The following GNAQ variants were observed in gnomAD, a reference collection of about 807,000 sequenced individuals.
The protein encoded by GNAQ is G protein subunit alpha q, also known as guanine nucleotide-binding protein G(q) subunit alpha.
In GNAQ, 8 loss-of-function variants were observed where a neutral mutation model predicts 43.9. That is an observed-to-expected ratio of 0.18 (90% CI 0.11 to 0.33). The LOEUF is 0.33. Ranked by LOEUF, GNAQ falls within the 10% of genes least tolerant of loss-of-function variation. The pLI, the probability that GNAQ is intolerant of heterozygous loss-of-function variation, is 1.00. For synonymous variants in GNAQ, 155 were observed against 170.7 expected, an observed-to-expected ratio of 0.91 and a Z score of 0.71; for missense variants, 158 against 450.8, an observed-to-expected ratio of 0.35 and a Z score of 5.88.
rs1246962741 is a variant in GNAQ at position 77,717,762 on chromosome 9, C to A, written c.*3561G>T. ...AAAAAAAATACAAGTTTTACGTGTT[C>A]TTCAGATTCCTTTTGTAGTTGTCAT... is the stretch of plus-strand genomic sequence containing the variant. On this transcript the variant is annotated 3_prime_UTR_variant, in exon 7 of 7. Coordinates refer to ENST00000286548, the MANE Select transcript of GNAQ (RefSeq NM_002072.5). 4.3e-6 allele frequency: 1 copy of A among 231,424 alleles called. No homozygotes were observed. The highest frequency in any genetic ancestry group is 2.2e-5 in the African/African-American group (1 of 45,102). 14.3% of individuals were successfully genotyped at this position (231,424 alleles called of 1,614,324 possible). A position where few individuals can be genotyped will look rare whatever the true frequency, so the allele number is the denominator to read the frequency against.
chr9:77,982,249 C>A (rs955521961), intron 1 of GNAQ, among the ~76,000 whole-genome samples: 2 of 152,186 alleles, frequency 1.3e-5, no homozygotes, highest in African/African-American at 4.8e-5. Context: ...AGAAATGATT[C>A]TGGTCTTTGT....
chr9:77,855,325 C>A (rs574168964), intron 2 of GNAQ, among the ~76,000 whole-genome samples: 4 of 151,850 alleles, frequency 2.6e-5, no homozygotes, highest in East Asian at 1.9e-4. Context: ...TAAAGGCCAA[C>A]GAGCAGTTAT....
chr9:77,921,322 G>A (rs1473760820), intron 2 of GNAQ, among the ~76,000 whole-genome samples: 1 of 152,224 alleles, frequency 6.6e-6, no homozygotes, highest in Non-Finnish European at 1.5e-5. Flanking sequence ...CACCCTGGGT[G>A]CAGGTCCAGT....
In GNAQ at chr9:78,030,530, A is replaced by T. The variant is rs12001631; in HGVS notation, c.136+570T>A. The T allele has an allele frequency of 1.0e-3, 482 of 470,850 alleles. 4 individuals carry two copies. Among genetic ancestry groups the T allele is most frequent in the African/African-American group, 9.0e-3 (449 of 50,100 alleles). 29.2% of individuals were successfully genotyped at this position (470,850 alleles called of 1,614,324 possible). The stretch of plus-strand genomic sequence containing the variant: ...GCTTCCTCACCATGAGTGCTCCGGG[A>T]ATCCAGCTGCGAGTCTGCCCACCGT... On this transcript the variant is annotated intron_variant, in intron 1 of 6. Transcript: ENST00000286548.
At chr9:77,824,943 T>C (rs1199883805) in intron 2 of GNAQ, among the ~76,000 whole-genome samples, 1 of 152,214 alleles carries the variant, frequency 6.6e-6, no homozygotes, top group African/African-American at 2.4e-5. Flanking sequence ...CAAAAAGTCA[T>C]GCTTCACAGA....
At chr9:77,763,568 T>C (rs1320944052) in intron 5 of GNAQ, among the ~76,000 whole-genome samples, 2 of 152,242 alleles carry the variant, frequency 1.3e-5, no homozygotes, top group Non-Finnish European at 2.9e-5. Flanking sequence ...CTAACTGCTG[T>C]ACTTTTCAGG....
chr9:77,790,371 G>A (rs1826548506), intron 5 of GNAQ, among the ~76,000 whole-genome samples: 2 of 152,166 alleles, frequency 1.3e-5, no homozygotes, highest in South Asian at 4.1e-4. Flanking sequence ...GCAGAACAAA[G>A]TACATGTTTC....
intron 2 of GNAQ, among the ~76,000 whole-genome samples, chr9:77,895,325 C>T (rs909151383): frequency 1.3e-5 from 2 of 152,136 alleles, no homozygotes; most frequent in African/African-American, 4.8e-5. Flanking sequence ...CATCATTCCC[C>T]TTTAACAGAG....
chr9:77,768,027 T>C (rs1018481544), intron 5 of GNAQ, among the ~76,000 whole-genome samples: 1 of 152,230 alleles, frequency 6.6e-6, no homozygotes, highest in Admixed American at 6.5e-5. Context: ...ATGCATTTAC[T>C]ATATGTCAGG....
intron 2 of GNAQ, among the ~76,000 whole-genome samples, chr9:77,870,085 T>C (rs905067105): frequency 2.6e-5 from 4 of 152,172 alleles, no homozygotes; most frequent in Admixed American, 6.5e-5. Context: ...ATTTATCACC[T>C]GGTTCTTTTA....
intron 2 of GNAQ, among the ~76,000 whole-genome samples, chr9:77,817,921 G>T (rs1310011213): frequency 1.3e-5 from 2 of 151,984 alleles, no homozygotes; most frequent in Non-Finnish European, 2.9e-5. Flanking sequence ...AAAGCAGCAT[G>T]GACAAAATAA....
rs527961810 is a variant in GNAQ, at chr9:78,028,337, G to A, written c.136+2763C>T. On this transcript the variant is annotated intron_variant, in intron 1 of 6. Coordinates refer to ENST00000286548, the MANE Select transcript of GNAQ (RefSeq NM_002072.5). The stretch of plus-strand genomic sequence containing the variant: ...AAAATATATAATATATAAGCATACG[G>A]AATAAATTTGGAAGACTGGCATAGT... 1.2e-4 allele frequency among the ~76,000 whole-genome samples: 19 copies of A among 152,180 alleles called. No individual in the cohort carries two copies. The East Asian group carries it at 3.7e-3, about 29-fold the overall frequency.
intron 2 of GNAQ, among the ~76,000 whole-genome samples, chr9:77,849,715 G>A (rs1038000152): frequency 5.3e-5 from 8 of 152,124 alleles, no homozygotes; most frequent in South Asian, 4.1e-4. Flanking sequence ...TGCCCAGGCT[G>A]GAGAGCAGTG....
intron 2 of GNAQ, among the ~76,000 whole-genome samples, chr9:77,844,799 AGTAGCTGGGATTAC>A (rs1248949404): frequency 6.6e-6 from 1 of 151,874 alleles, no homozygotes; most frequent in Non-Finnish European, 1.5e-5. Context: ...CAGCCTCCCG[AGTAGCTGGGATTAC>A]AGGTGCCTGC....
At chr9:77,827,241 T>TA (rs1827212095) in intron 2 of GNAQ, among the ~76,000 whole-genome samples, 1 of 151,642 alleles carries the variant, frequency 6.6e-6, no homozygotes, top group Admixed American at 6.6e-5. Context: ...GATATGGAAA[T>TA]ACATGTGCGT....
intron 5 of GNAQ, among the ~76,000 whole-genome samples, chr9:77,765,286 T>C (rs1826117652): frequency 6.6e-6 from 1 of 151,946 alleles, no homozygotes; most frequent in Admixed American, 6.6e-5. Context: ...TGCCATTACT[T>C]GGTAAACTAA....
intron 2 of GNAQ, among the ~76,000 whole-genome samples, chr9:77,873,876 C>T (rs781769066): frequency 6.6e-6 from 1 of 152,014 alleles, no homozygotes; most frequent in Admixed American, 6.5e-5. Context: ...GAGGCCGAGG[C>T]GGAGGAATCA....
intron 1 of GNAQ, among the ~76,000 whole-genome samples, chr9:77,931,136 G>A (rs1829142925): frequency 6.7e-6 from 1 of 149,556 alleles, no homozygotes; most frequent in African/African-American, 2.5e-5. Context: ...AATGGGAAGA[G>A]GGAACAGAAT....
At chr9:77,943,610 T>C (rs1241765027) in intron 1 of GNAQ, among the ~76,000 whole-genome samples, 2 of 149,370 alleles carry the variant, frequency 1.3e-5, no homozygotes, top group Non-Finnish European at 3.0e-5. Context: ...TTTCCTCTAC[T>C]ACACAAATTG....
Sources: allele counts gnomAD v4.1 joint callset (sites outside exome capture counted in the v4.1 genomes callset), GRCh38; gene constraint gnomAD v4.1.1; transcripts MANE v1.5; gene names NCBI Gene and HGNC (gene_info 2026-07-23, HGNC 2026-07-21).